PTPRD: variants seen among roughly 807,000 people sequenced by gnomAD.
PTPRD encodes protein tyrosine phosphatase receptor type D.
A neutral mutation model predicts 214.5 loss-of-function variants in PTPRD; 34 were observed. That is an observed-to-expected ratio of 0.16 (90% confidence interval 0.12 to 0.21). PTPRD has a LOEUF of 0.21. Ranked by LOEUF, PTPRD falls within the 10% of genes least tolerant of loss-of-function variation. PTPRD has a pLI of 1.00. For missense variants in PTPRD, 2,545 were observed against 2,398.7 expected, an observed-to-expected ratio of 1.06 and a Z score of -1.27; for synonymous variants, 1,128 against 845.7, an observed-to-expected ratio of 1.33 and a Z score of -5.79.
intron 3 of PTPRD, among the ~76,000 whole-genome samples, chr9:10,119,475 T>C (rs1378927491): frequency 6.6e-6 from 1 of 151,998 alleles, no homozygotes; most frequent in Non-Finnish European, 1.5e-5. Flanking sequence ...AAAACGGTTC[T>C]AGTAGTAAGA....
intron 3 of PTPRD, among the ~76,000 whole-genome samples, chr9:10,076,982 A>G (rs2098141881): frequency 6.6e-6 from 1 of 152,164 alleles, no homozygotes; most frequent in South Asian, 2.1e-4. Flanking sequence ...TGACTTCAAC[A>G]TTATTTCCCT....
At chr9:8,418,016 G>T (rs1589885446) in intron 35 of PTPRD, among the ~76,000 whole-genome samples, 1 of 152,068 alleles carries the variant, frequency 6.6e-6, no homozygotes, top group African/African-American at 2.4e-5. Context: ...CTGATTTAAT[G>T]TTCTTTAAAG....
At chr9:8,734,986 T>C (rs767271319) in intron 11 of PTPRD, among the ~76,000 whole-genome samples, 24 of 152,088 alleles carry the variant, frequency 1.6e-4, no homozygotes, top group Non-Finnish European at 2.8e-4. Context: ...CTGAGTTTCC[T>C]GGTTTGGTTG....
chr9:10,138,468 C>T (rs2098958393), intron 3 of PTPRD, among the ~76,000 whole-genome samples: 1 of 152,010 alleles, frequency 6.6e-6, no homozygotes, highest in Non-Finnish European at 1.5e-5. Context: ...CAGATGGATT[C>T]ACAGCCAAAT....
At chr9:8,345,019 T>C (rs150457044) in intron 39 of PTPRD, among the ~76,000 whole-genome samples, 37 of 63,218 alleles carry the variant, frequency 5.9e-4, no homozygotes, top group Admixed American at 1.4e-3. Flanking sequence ...GGGAAAATTA[T>C]GACAGAATTA....
intron 11 of PTPRD, among the ~76,000 whole-genome samples, chr9:8,800,654 A>T (rs552109579): frequency 6.6e-6 from 1 of 152,344 alleles, no homozygotes; most frequent in African/African-American, 2.4e-5. Flanking sequence ...ACATCAAGAA[A>T]TAACCATAAA....
intron 10 of PTPRD, among the ~76,000 whole-genome samples, chr9:9,054,965 T>G (rs2099693549): frequency 6.6e-6 from 1 of 152,166 alleles, no homozygotes. Context: ...TATAACATGA[T>G]ATTCAACCCC....
intron 10 of PTPRD, among the ~76,000 whole-genome samples, chr9:9,164,957 G>A (rs972093361): frequency 2.0e-5 from 3 of 151,356 alleles, no homozygotes; most frequent in African/African-American, 7.3e-5. Context: ...GGAGGCTGAC[G>A]TAGGAGAATC....
At chr9:8,934,506 A>T (rs12685334) in intron 11 of PTPRD, among the ~76,000 whole-genome samples, 2,637 of 10,204 alleles carry the variant, frequency 0.26, 288 homozygotes, top group Non-Finnish European at 0.34. Flanking sequence ...TATATATATA[A>T]ATATATATAT....
intron 2 of PTPRD, among the ~76,000 whole-genome samples, chr9:10,390,824 C>A (rs2154490854): frequency 6.6e-6 from 1 of 151,840 alleles, no homozygotes; most frequent in Non-Finnish European, 1.5e-5. Context: ...TGAGCCTAAA[C>A]TTATTTTGCT....
At chr9:9,188,257 A>G (rs2099932877) in intron 9 of PTPRD, among the ~76,000 whole-genome samples, 1 of 152,056 alleles carries the variant, frequency 6.6e-6, no homozygotes, top group Non-Finnish European at 1.5e-5. Context: ...ACAGTGCCAT[A>G]TTTTTGTAAC....
chr9:9,049,562 A>G (rs10977455), intron 10 of PTPRD, among the ~76,000 whole-genome samples: 11,631 of 151,676 alleles, frequency 0.077, 671 homozygotes, highest in African/African-American at 0.16. Flanking sequence ...GGGGAATAGC[A>G]TATTTTCAAA....
chr9:10,573,330 G>T (rs1349692820), intron 2 of PTPRD, among the ~76,000 whole-genome samples: 2 of 152,094 alleles, frequency 1.3e-5, no homozygotes, highest in East Asian at 3.9e-4. Context: ...ATGAATACAA[G>T]TTCCCAAATG....
At chr9:8,922,896 C>G (rs2098837627) in intron 11 of PTPRD, among the ~76,000 whole-genome samples, 1 of 151,730 alleles carries the variant, frequency 6.6e-6, no homozygotes, top group African/African-American at 2.4e-5. Context: ...ATCTCCTGAC[C>G]TTGTGATCCA....
intron 10 of PTPRD, among the ~76,000 whole-genome samples, chr9:9,036,469 C>T (rs1303875978): frequency 6.6e-6 from 1 of 152,014 alleles, no homozygotes; most frequent in Non-Finnish European, 1.5e-5. Context: ...AGATGGGATT[C>T]TGGAATAGCA....
At chr9:8,922,326 C>A (rs2098833360) in intron 11 of PTPRD, among the ~76,000 whole-genome samples, 1 of 152,162 alleles carries the variant, frequency 6.6e-6, no homozygotes, top group African/African-American at 2.4e-5. Context: ...ATATTACTTA[C>A]ACAATCACTC....
intron 3 of PTPRD, 45 bp from the exon 4 acceptor site, chr9:10,033,835 A>C (rs1246962495): frequency 6.6e-6 from 1 of 152,184 alleles, no homozygotes; most frequent in Non-Finnish European, 1.5e-5. Flanking sequence ...ATTCTCTGGC[A>C]GTTGTATTAT....
At chr9:8,792,873 A>G (rs1314001270) in intron 11 of PTPRD, among the ~76,000 whole-genome samples, 3 of 152,080 alleles carry the variant, frequency 2.0e-5, no homozygotes, top group Non-Finnish European at 4.4e-5. Context: ...CTAAAAAGTA[A>G]TATGATTCCT....
rs778434408 is a variant in PTPRD, at chr9:8,376,049, G to C, written c.4548C>G (p.Phe1516Leu). The C allele has an allele frequency of 1.2e-6, 2 of 1,612,910 alleles. No homozygotes were observed. The highest frequency in any genetic ancestry group is 1.7e-6 in the Non-Finnish European group (2 of 1,179,272). ...SEKREVRQFQ[F>L]TAWPDHGVPE... The stretch of plus-strand genomic sequence containing the variant: ...GAACACCATGATCAGGCCAGGCGGT[G>C]AACTGGAATTGTCTCACTTCTCTCT... The change falls in exon 39 of 46, where the codon TTC becomes TTG. Residue 1516 changes from phenylalanine to leucine, a missense_variant. By Grantham distance (22) the Phe-to-Leu change is conservative. Transcript: ENST00000381196.
Sources: gnomAD v4.1 joint callset for allele counts (sites outside exome capture counted in the v4.1 genomes callset) on GRCh38, gnomAD v4.1.1 for gene constraint, MANE v1.5 for transcripts, NCBI Gene and HGNC (gene_info 2026-07-23, HGNC 2026-07-21) for gene names.